CCDC39: variants seen among roughly 807,000 people sequenced by gnomAD.
The protein encoded by CCDC39 is coiled-coil domain 39 molecular ruler complex subunit.
In CCDC39, 113 loss-of-function variants were observed where a neutral mutation model predicts 121.0. That is an observed-to-expected ratio of 0.93 (90% CI 0.80 to 1.09). CCDC39 has a LOEUF of 1.09. CCDC39 is among the 50% of genes least tolerant of loss of function. The pLI, the probability that CCDC39 is intolerant of heterozygous loss-of-function variation, is 0.00. For synonymous variants in CCDC39, 349 were observed against 352.2 expected (o/e 0.99, Z 0.10); for missense variants, 1,063 against 1,074.7 (o/e 0.99, Z 0.15).
At chr3:180,629,367 G>A (rs758550501) in intron 14 of CCDC39, among the ~76,000 whole-genome samples, 49 of 152,192 alleles carry the variant, frequency 3.2e-4, no homozygotes, top group Non-Finnish European at 6.2e-4. Context: ...TACATTGTTA[G>A]CAGCAAGATA....
At chr3:180,616,767 A>G (rs1717260407) in intron 17 of CCDC39, 59 bp downstream of exon 17, 6 of 1,578,692 alleles carry the variant, frequency 3.8e-6, no homozygotes, top group Middle Eastern at 1.7e-4. Context: ...TAGATGAAGG[A>G]GGATTTGGGA....
intron 1 of CCDC39, among the ~76,000 whole-genome samples, chr3:180,677,073 C>T (rs1712234253): frequency 6.8e-6 from 1 of 146,604 alleles, no homozygotes; most frequent in African/African-American, 2.5e-5. Context: ...TGCAGCACAC[C>T]AACATGGCAC....
At chr3:180,655,787 A>T (rs1482116752) in intron 6 of CCDC39, among the ~76,000 whole-genome samples, 2 of 152,202 alleles carry the variant, frequency 1.3e-5, no homozygotes, top group African/African-American at 4.8e-5. Flanking sequence ...CATGTTAAAG[A>T]TCAACTTTTA....
At chr3:180,632,391 G>T (rs1301888475) in intron 13 of CCDC39, among the ~76,000 whole-genome samples, 1 of 152,144 alleles carries the variant, frequency 6.6e-6, no homozygotes, top group Non-Finnish European at 1.5e-5. Flanking sequence ...ACAAACTCAT[G>T]CAAGTAAGCT....
At chr3:180,654,354 G>A (rs989300282) in intron 7 of CCDC39, among the ~76,000 whole-genome samples, 2 of 151,158 alleles carry the variant, frequency 1.3e-5, no homozygotes, top group African/African-American at 2.4e-5. Context: ...AGAAAACACA[G>A]GAGAAAAGCT....
chr3:180,633,713 A>G (rs1717756818), intron 13 of CCDC39, among the ~76,000 whole-genome samples: 1 of 152,344 alleles, frequency 6.6e-6, no homozygotes, highest in East Asian at 1.9e-4. Context: ...GTATGATGGT[A>G]AGAAAAAAAT....
At chr3:180,673,902 G>GGAAGTA (rs1324019423) in intron 1 of CCDC39, among the ~76,000 whole-genome samples, 1 of 151,778 alleles carries the variant, frequency 6.6e-6, no homozygotes, top group Non-Finnish European at 1.5e-5. Context: ...GGCAATGCAA[G>GGAAGTA]GAAGTAGACT....
chr3:180,620,342 G>C (rs918188988), intron 14 of CCDC39, among the ~76,000 whole-genome samples: 3 of 151,832 alleles, frequency 2.0e-5, no homozygotes, highest in African/African-American at 7.3e-5. Context: ...TGGCCTGAAA[G>C]AGGTTCAGGA....
Position 180,659,773 on chromosome 3 carries a change from T to G in CCDC39, c.517-4A>C. 2 of 1,585,636 alleles carry G rather than the reference T, an allele frequency of 1.3e-6. No homozygotes were observed. Among genetic ancestry groups the G allele is most frequent in the Non-Finnish European group, 1.7e-6 (2 of 1,157,264 alleles). On this transcript the variant is annotated splice_polypyrimidine_tract_variant and splice_region_variant and intron_variant, in intron 4 of 19. Transcript: ENST00000476379. Reference sequence around the variant, plus strand: ...TTTCTAATTGCAGAGTCAGTGCCTATGATGTAATTATATACAGATACTTAT... The same window carrying G: ...TTTCTAATTGCAGAGTCAGTGCCTAGGATGTAATTATATACAGATACTTAT...
intron 14 of CCDC39, among the ~76,000 whole-genome samples, chr3:180,630,821 A>G (rs565219748): frequency 1.3e-5 from 2 of 152,304 alleles, no homozygotes; most frequent in African/African-American, 2.4e-5. Context: ...TCTCCCTATA[A>G]TATCATATTA....
intron 1 of CCDC39, among the ~76,000 whole-genome samples, chr3:180,671,911 A>G (rs1209859147): frequency 3.9e-5 from 6 of 152,246 alleles, no homozygotes; most frequent in Non-Finnish European, 7.3e-5. Context: ...TAGAGGCTGC[A>G]GCAAGTTATC....
At chr3:180,629,121 A>C (rs1717634477) in intron 14 of CCDC39, among the ~76,000 whole-genome samples, 1 of 152,224 alleles carries the variant, frequency 6.6e-6, no homozygotes. Flanking sequence ...TATGAAATGA[A>C]CTTTTATTAA....
At chr3:180,616,399 C>T (rs2108404081) in intron 18 of CCDC39, 36 bp from the exon 19 acceptor site, 1 of 1,553,634 alleles carries the variant, frequency 6.4e-7, no homozygotes, top group Non-Finnish European at 8.7e-7. Flanking sequence ...TTAGTACTAC[C>T]TACTGTTTTT....
chr3:180,660,635 C>T lies in CCDC39; in HGVS notation c.451G>A (p.Ala151Thr). The T allele has an allele frequency of 6.2e-7, 1 of 1,602,702 alleles. No individual in the cohort carries two copies. The highest frequency in any genetic ancestry group is 8.5e-7 in the Non-Finnish European group (1 of 1,173,622). ...GTGAGAGCATCACTATCTTTATGAG[C>T]TGATTCTTCTAACCAGGCCTCCAAT... is the stretch of plus-strand genomic sequence containing the variant. The part of the protein sequence containing the change: ...QALEAWLEES[A>T]HKDSDALTLQ... Residue 151 changes from alanine (A) to threonine (T), a missense_variant, in exon 4 of 20, where the codon GCT becomes ACT. Transcript: ENST00000476379.
At chr3:180,632,130 A>G (rs1717715756) in intron 13 of CCDC39, among the ~76,000 whole-genome samples, 1 of 152,174 alleles carries the variant, frequency 6.6e-6, no homozygotes, top group African/African-American at 2.4e-5. Context: ...ATAAGCAAAC[A>G]TGCCTAACTT....
intron 4 of CCDC39, 63 bp from the exon 5 acceptor site, chr3:180,659,832 G>A (rs1487230855): frequency 1.0e-5 from 11 of 1,065,450 alleles, no homozygotes; most frequent in Non-Finnish European, 1.2e-5. Context: ...TGTTATTAGT[G>A]TATCTAACAT....
rs1388537061 is a variant in CCDC39 at position 180,651,430 on chromosome 3, T to A, written c.1138A>T (p.Met380Leu). Residue 380 changes from methionine (M) to leucine (L), a missense_variant, in exon 9 of 20, where the codon ATG becomes TTG. Physicochemically the swap from Met to Leu is conservative, Grantham distance 15. Transcript: ENST00000476379. Reference sequence around the variant, plus strand: ...ACATCTTTTTCCTCCTCCTTTAGCATATCTTCCAAATTAGTAGCTTTCTCT... The same window carrying A: ...ACATCTTTTTCCTCCTCCTTTAGCAAATCTTCCAAATTAGTAGCTTTCTCT... ...VEEKATNLED[M>L]LKEEEKDVKE... The A allele has an allele frequency of 1.2e-5, 19 of 1,559,418 alleles. No homozygotes were observed. Among genetic ancestry groups the A allele is most frequent in the Non-Finnish European group, 1.6e-5 (18 of 1,150,486 alleles).
At chr3:180,671,629 C>T (rs114570678) in intron 1 of CCDC39, among the ~76,000 whole-genome samples, 130 of 151,388 alleles carry the variant, frequency 8.6e-4, no homozygotes, top group African/African-American at 2.5e-3. Flanking sequence ...GGTGTGATCT[C>T]GGCTCACTGC....
intron 15 of CCDC39, 25 bp from the exon 16 acceptor site, chr3:180,619,390 T>G (rs1717360159): frequency 8.7e-7 from 1 of 1,148,458 alleles, no homozygotes; most frequent in Non-Finnish European, 1.3e-6. Context: ...ATTTTTAGTT[T>G]AAAATTTCAA....
Sources: allele counts gnomAD v4.1 joint callset (sites outside exome capture counted in the v4.1 genomes callset), GRCh38; gene constraint gnomAD v4.1.1; transcripts MANE v1.5; gene names NCBI Gene and HGNC (gene_info 2026-07-23, HGNC 2026-07-21).